The following MYO1F variants were observed in gnomAD, a reference collection of about 807,000 sequenced individuals.
The protein encoded by MYO1F is myosin IF, also known as unconventional myosin-If.
MYO1F carries 60 observed loss-of-function variants against 146.6 expected under a neutral mutation model. The observed-to-expected ratio is 0.41, with a 90% CI of 0.33 to 0.51. MYO1F has a LOEUF of 0.51. MYO1F is among the 20% of genes least tolerant of loss of function. The probability of loss-of-function intolerance (pLI) is 0.25; values close to 1 mark genes in which losing one functional copy is unlikely to be tolerated. For synonymous variants in MYO1F, 602 were observed against 602.1 expected (o/e 1.00, Z 0.00); for missense variants, 1,274 against 1,534.3 (o/e 0.83, Z 2.83).
At chr19:8,531,324 G>A (rs143014041) in intron 19 of MYO1F, among the ~76,000 whole-genome samples, 1 of 152,052 alleles carries the variant, frequency 6.6e-6, no homozygotes, top group Non-Finnish European at 1.5e-5. Flanking sequence ...TCCAGCCTGG[G>A]CAACAAGAGC....
chr19:8,550,521 CCACA>C, intron 9 of MYO1F, 37 bp downstream of exon 9: 6 of 1,614,042 alleles, frequency 3.7e-6, no homozygotes, highest in Non-Finnish European at 5.1e-6. Flanking sequence ...GTTCACCCAC[CCACA>C]GGCCTCCATC....
chr19:8,543,705 GTGC>G (rs763255973), intron 14 of MYO1F, among the ~76,000 whole-genome samples: 547 of 17,774 alleles, frequency 0.031, 30 homozygotes, highest in East Asian at 0.081. Context: ...GGTGGTGGTG[GTGC>G]TGGTGGTGGT....
chr19:8,577,330 G>A lies in MYO1F; in HGVS notation c.-21C>T. 1 of 1,613,876 alleles carries A rather than the reference G, an allele frequency of 6.2e-7. No individual in the cohort carries two copies. The highest frequency in any genetic ancestry group is 8.5e-7 in the Non-Finnish European group (1 of 1,179,932). On this transcript the variant is annotated 5_prime_UTR_variant, in exon 1 of 28. Transcript: ENST00000644032. The surrounding 1 kb of genome is among the most constrained non-coding windows in gnomAD (Gnocchi z 4.3). ...ACCATGGTGGGGGGCTGGTGTCTGG[G>A]CTCCTGGAGGCTCCTGAATGGGTCG...
At chr19:8,545,989 G>A (rs762080598) in intron 12 of MYO1F, among the ~76,000 whole-genome samples, 5 of 151,468 alleles carry the variant, frequency 3.3e-5, no homozygotes, top group Admixed American at 6.6e-5. Flanking sequence ...AAGCCTCCTC[G>A]AGTCCCAGTG....
At chr19:8,533,722 A>G (rs1972588780) in intron 19 of MYO1F, among the ~76,000 whole-genome samples, 1 of 152,038 alleles carries the variant, frequency 6.6e-6, no homozygotes, top group African/African-American at 2.4e-5. Flanking sequence ...TGGACTTCTG[A>G]CCTGCGGAAC....
At chr19:8,532,901 A>AAAAATATATATATAT (rs1172873322) in intron 19 of MYO1F, among the ~76,000 whole-genome samples, 1 of 47,826 alleles carries the variant, frequency 2.1e-5, no homozygotes, top group African/African-American at 1.1e-4. Flanking sequence ...AAAAAAAAAA[A>AAAAATATATATATAT]ATACACACAC....
At position 8,574,322 on chromosome 19, in the gene MYO1F, C is replaced by A. The variant is rs180938193; in HGVS notation, c.3+2985G>T. ...AATTACCACAATCGTCACCTCCGTC[C>A]ATCCTCATTGCTGAATCCAGAAATG... On this transcript the variant is annotated intron_variant, in intron 1 of 27. Coordinates refer to ENST00000644032, the MANE Select transcript of MYO1F (RefSeq NM_012335.4). Among the ~76,000 whole-genome samples the A allele has an allele frequency of 2.0e-5, 3 of 152,314 alleles. No individual in the cohort carries two copies. The East Asian group carries it at 5.8e-4, about 29-fold the overall frequency.
intron 1 of MYO1F, among the ~76,000 whole-genome samples, chr19:8,569,602 G>T (rs933542377): frequency 6.6e-6 from 1 of 152,130 alleles, no homozygotes; most frequent in Non-Finnish European, 1.5e-5. Context: ...CCTGCCCTTG[G>T]GGGGCTCGGT....
At chr19:8,552,481 G>A (rs182064076) in intron 6 of MYO1F, among the ~76,000 whole-genome samples, 289 of 152,100 alleles carry the variant, frequency 1.9e-3, no homozygotes, top group Admixed American at 3.0e-3. Flanking sequence ...TGGCCAGGCT[G>A]GTCTTGAACT....
chr19:8,535,909 C>T lies in MYO1F; in HGVS notation c.2043+343G>A, dbSNP rs140431962. Among the ~76,000 whole-genome samples the T allele has an allele frequency of 8.1e-3, 1,238 of 152,056 alleles. 5 individuals are homozygous for T. Among genetic ancestry groups the T allele is most frequent in the Middle Eastern group, 0.014 (4 of 294 alleles). On this transcript the variant is annotated intron_variant, in intron 19 of 27. Transcript: ENST00000644032. ...TGTTAGCCAGGATGGTCTCGATCTC[C>T]TGGCCTTGTGATCCGCCCTCCTCAG...
intron 19 of MYO1F, 130 bp downstream of exon 19, chr19:8,536,122 A>T: frequency 8.3e-7 from 1 of 1,206,990 alleles, no homozygotes; most frequent in Non-Finnish European, 1.2e-6. Flanking sequence ...TCTGTTTCTC[A>T]ATTTCTCAAT....
At position 8,550,331 on chromosome 19, in the gene MYO1F, C is replaced by G. The variant is rs773317442; in HGVS notation, c.930G>C (p.Leu310=). 1 of 1,613,314 alleles carries G rather than the reference C, an allele frequency of 6.2e-7. No individual in the cohort carries two copies. The highest frequency in any genetic ancestry group is 1.3e-5 in the African/African-American group (1 of 74,910). Residue 310 remains leucine, a synonymous_variant, in exon 10 of 28, where the codon CTG becomes CTC. Transcript: ENST00000644032. ...CCTGCAGTCGCCCGCTGTCAATGCC[C>G]AGCAGGTAGGCGGGAAAGGCCAGGA... ...VDLLAFPAYL[L]GIDSGRLQEK...
intron 24 of MYO1F, 102 bp downstream of exon 24, chr19:8,526,351 C>T: frequency 2.4e-6 from 2 of 826,748 alleles, no homozygotes; most frequent in Non-Finnish European, 3.4e-6. Context: ...ACTCAAAAGT[C>T]TCTCTCTCTC....
chr19:8,521,736 A>T (rs1972067210), intron 27 of MYO1F, 132 bp from the exon 28 acceptor site: 1 of 802,686 alleles, frequency 1.2e-6, no homozygotes, highest in Non-Finnish European at 2.1e-6. Flanking sequence ...GGCTTAAGCC[A>T]TCCTCCTGCC....
At chr19:8,547,089 G>A (rs1973391571) in intron 12 of MYO1F, among the ~76,000 whole-genome samples, 1 of 152,010 alleles carries the variant, frequency 6.6e-6, no homozygotes, top group South Asian at 2.1e-4. Flanking sequence ...CTTGAGGCCA[G>A]GAGTTCAAGA....
intron 25 of MYO1F, among the ~76,000 whole-genome samples, chr19:8,523,650 C>G (rs1171330398): frequency 5.9e-5 from 9 of 152,010 alleles, no homozygotes; most frequent in Non-Finnish European, 2.9e-5. Flanking sequence ...TGTACTTGGC[C>G]TTATTTATTT....
chr19:8,560,947 C>T (rs1377576799), intron 1 of MYO1F, among the ~76,000 whole-genome samples: 1 of 151,970 alleles, frequency 6.6e-6, no homozygotes, highest in Admixed American at 6.6e-5. Context: ...CTGTATTAGC[C>T]AGGATGGTCT....
intron 24 of MYO1F, 127 bp downstream of exon 24, chr19:8,526,326 T>G: frequency 7.0e-7 from 1 of 1,438,264 alleles, no homozygotes; most frequent in Non-Finnish European, 9.4e-7. Flanking sequence ...GACTCCGTCT[T>G]AAAAAAACCA....
In MYO1F at chr19:8,554,539, G is replaced by A. The variant is rs1216263756; in HGVS notation, c.264C>T (p.Ala88=). 6.2e-7 allele frequency: 1 copy of A among 1,613,638 alleles called. No homozygotes were observed. The highest frequency in any genetic ancestry group is 8.5e-7 in the Non-Finnish European group (1 of 1,179,774). ...AQYENPPHIY[A]LTDNMYRNML... ...TGTTCCGGTACATGTTGTCCGTGAGGGCGTAGATGTGCGGGGGATTCTCAT... is the reference window on the plus strand; with the variant it reads ...TGTTCCGGTACATGTTGTCCGTGAGAGCGTAGATGTGCGGGGGATTCTCAT... Residue 88 remains alanine (A), a synonymous_variant, in exon 4 of 28, where the codon GCC becomes GCT. Transcript: ENST00000644032.
Sources: allele counts gnomAD v4.1 joint callset (sites outside exome capture counted in the v4.1 genomes callset), GRCh38; gene constraint gnomAD v4.1.1; non-coding constraint Gnocchi (gnomAD v3.1); transcripts MANE v1.5; gene names NCBI Gene and HGNC (gene_info 2026-07-23, HGNC 2026-07-21).